Variants in PCDHA4 observed in about 807,000 individuals in gnomAD.
PCDHA4 encodes the protein protocadherin alpha-4.
Under a neutral mutation model 61.4 loss-of-function variants are expected in PCDHA4, and 49 were observed. The observed-to-expected ratio is 0.80, with a 90% confidence interval of 0.63 to 1.01. The LOEUF is 1.01. Among genes scored for constraint, PCDHA4 ranks in the 50% least tolerant of loss-of-function variants. The pLI is 0.00. For synonymous variants in PCDHA4, 590 were observed against 550.3 expected (o/e 1.07, Z -1.01); for missense variants, 1,254 against 1,235.8 (o/e 1.01, Z -0.22).
chr5:140,997,071 A>G lies in PCDHA4; in HGVS notation c.2534-12556A>G, dbSNP rs554920320. Among the ~76,000 whole-genome samples, 444 of 152,266 alleles carry G rather than the reference A, an allele frequency of 2.9e-3. 5 individuals carry two copies. Among genetic ancestry groups the G allele is most frequent in the Non-Finnish European group, 4.4e-3 (297 of 68,014 alleles). Reference sequence around the variant, plus strand: ...TTTAGAGCAGTTTTAGGTTCACAGGAAAGTTGAGTAGAAAGTGCAGAGTTC... The same window carrying G: ...TTTAGAGCAGTTTTAGGTTCACAGGGAAGTTGAGTAGAAAGTGCAGAGTTC... On this transcript the variant is annotated intron_variant, in intron 3 of 3. Coordinates refer to ENST00000530339, the MANE Select transcript of PCDHA4 (RefSeq NM_018907.4).
In PCDHA4 at chr5:140,829,871, G is replaced by A. The variant is rs1770641625; in HGVS notation, c.2385+20299G>A. 6.2e-7 allele frequency: 1 copy of A among 1,613,844 alleles called. No homozygotes were observed. Among genetic ancestry groups the A allele is most frequent in the Non-Finnish European group, 8.5e-7 (1 of 1,179,892 alleles). ...GGGTGCAGGCCAAGTGGTGGCGAAG[G>A]TGCGCGCAGTTGACGCCGACTCAGG... On this transcript the variant is annotated intron_variant, in intron 1 of 3. Transcript: ENST00000530339.
At chr5:141,007,613 T>C (rs1351675120) in intron 3 of PCDHA4, among the ~76,000 whole-genome samples, 1 of 152,056 alleles carries the variant, frequency 6.6e-6, no homozygotes, top group Non-Finnish European at 1.5e-5. Context: ...GAAGCAGATA[T>C]AGGAGAGGTC....
chr5:140,815,358 T>C (rs1447082855), intron 1 of PCDHA4: 3 of 152,110 alleles, frequency 2.0e-5, no homozygotes, highest in East Asian at 3.8e-4. Context: ...ATATCTTCCA[T>C]AGGTATTTTC....
At chr5:140,843,318 T>C (rs2150190993) in intron 1 of PCDHA4, 3 of 1,596,010 alleles carry the variant, frequency 1.9e-6, no homozygotes, top group East Asian at 2.2e-5. Flanking sequence ...GCCACGGTTC[T>C]GGTGTCGCTG....
chr5:140,927,702 C>A lies in PCDHA4; in HGVS notation c.2386-51247C>A, dbSNP rs533775539. ...AAGGGTCCAATGGGGAAGTCCAGTACTCCCTAAGCAACAGCACGCAAGCAG... is the reference window on the plus strand; with the variant it reads ...AAGGGTCCAATGGGGAAGTCCAGTAATCCCTAAGCAACAGCACGCAAGCAG... On this transcript the variant is annotated intron_variant, in intron 1 of 3. Coordinates refer to ENST00000530339, the MANE Select transcript of PCDHA4 (RefSeq NM_018907.4). 6.8e-6 allele frequency: 11 copies of A among 1,614,092 alleles called. 1 individual carries two copies. The South Asian group carries it at 1.2e-4, about 18-fold the overall frequency.
intron 1 of PCDHA4, chr5:140,857,901 G>A (rs782807567): frequency 1.9e-6 from 3 of 1,597,728 alleles, no homozygotes; most frequent in East Asian, 4.5e-5. Flanking sequence ...GTTGGTGCAC[G>A]CATCCCGTTT....
intron 1 of PCDHA4, among the ~76,000 whole-genome samples, chr5:140,942,913 G>GA (rs58669311): frequency 1.5e-4 from 23 of 148,948 alleles, no homozygotes; most frequent in Middle Eastern, 3.5e-3. Flanking sequence ...TAAGCGTGAA[G>GA]AAAAAAAAAA....
chr5:140,835,664 G>A (rs2150241207), intron 1 of PCDHA4: 1 of 1,613,934 alleles, frequency 6.2e-7, no homozygotes, highest in Non-Finnish European at 8.5e-7. Flanking sequence ...TGGTTACCGC[G>A]CGGGACGGGG....
intron 3 of PCDHA4, among the ~76,000 whole-genome samples, chr5:140,990,141 C>A (rs2097376222): frequency 6.6e-6 from 1 of 151,818 alleles, no homozygotes; most frequent in African/African-American, 2.4e-5. Flanking sequence ...ACTCAAGAGG[C>A]ATAATAATAG....
chr5:140,828,122 A>T, intron 1 of PCDHA4: 2 of 1,612,976 alleles, frequency 1.2e-6, no homozygotes. Context: ...TAGATTGGGA[A>T]AGCAATGTCT....
intron 1 of PCDHA4, among the ~76,000 whole-genome samples, chr5:140,899,326 T>G (rs1203153086): frequency 6.6e-6 from 1 of 152,230 alleles, no homozygotes; most frequent in Non-Finnish European, 1.5e-5. Flanking sequence ...TGGCTGTGGG[T>G]TTGTCATAGA....
chr5:140,914,944 C>CTTT (rs35695909), intron 1 of PCDHA4, among the ~76,000 whole-genome samples: 2 of 128,266 alleles, frequency 1.6e-5, no homozygotes, highest in Non-Finnish European at 3.3e-5. Context: ...GAAAAGTTGT[C>CTTT]TTTTTTTTTT....
Position 140,979,012 on chromosome 5 carries a change from G to A in PCDHA4, c.2444+5G>A, listed in dbSNP as rs2096831231. The A allele has an allele frequency of 1.9e-6, 3 of 1,613,794 alleles. No individual in the cohort carries two copies. Among genetic ancestry groups the A allele is most frequent in the African/African-American group, 2.7e-5 (2 of 74,926 alleles). ...CCTGAGAGCAGGCATGCACAGGTAT[G>A]TATTTCCCTCCTCATTCACTCAGAA... On this transcript the variant is annotated splice_donor_5th_base_variant and intron_variant, in intron 2 of 3. Coordinates refer to ENST00000530339, the MANE Select transcript of PCDHA4 (RefSeq NM_018907.4).
chr5:140,828,620 T>C (rs2150157459), intron 1 of PCDHA4: 3 of 1,614,062 alleles, frequency 1.9e-6, no homozygotes, highest in African/African-American at 2.7e-5. Context: ...TTCTAGCGAA[T>C]ACTTCGGGCT....
At chr5:140,996,226 G>C (rs2097717630) in intron 3 of PCDHA4, among the ~76,000 whole-genome samples, 1 of 152,196 alleles carries the variant, frequency 6.6e-6, no homozygotes, top group South Asian at 2.1e-4. Context: ...GTCTAGAAAT[G>C]GTTGCTCAAG....
chr5:140,989,387 T>A (rs1269344397), intron 3 of PCDHA4, among the ~76,000 whole-genome samples: 2 of 152,122 alleles, frequency 1.3e-5, no homozygotes, highest in Non-Finnish European at 2.9e-5. Context: ...GTGGGAAAGA[T>A]GATATGGAGG....
chr5:140,904,555 C>CT (rs569725486), intron 1 of PCDHA4, among the ~76,000 whole-genome samples: 13 of 151,744 alleles, frequency 8.6e-5, no homozygotes, highest in Middle Eastern at 3.4e-3. Flanking sequence ...CATATAATGA[C>CT]TTTTTTTTCC....
rs563512273 is a variant in PCDHA4 at position 140,921,751 on chromosome 5, A to G, written c.2386-57198A>G. Among the ~76,000 whole-genome samples, 11 of 152,290 alleles carry G rather than the reference A, an allele frequency of 7.2e-5. No homozygotes were observed. The East Asian group carries it at 7.7e-4, about 11-fold the overall frequency. On this transcript the variant is annotated intron_variant, in intron 1 of 3. Coordinates refer to ENST00000530339, the MANE Select transcript of PCDHA4 (RefSeq NM_018907.4). ...ATAAAAATTATAAGCATAACAGGAC[A>G]CTTCTTGGCTACTATTCAATACTGA...
chr5:140,979,292 C>T (rs1449910823), intron 2 of PCDHA4, among the ~76,000 whole-genome samples: 1 of 151,814 alleles, frequency 6.6e-6, no homozygotes, highest in African/African-American at 2.4e-5. Flanking sequence ...GTAATTTCAA[C>T]CTCCTTCATC....
Sources: allele counts gnomAD v4.1 joint callset (sites outside exome capture counted in the v4.1 genomes callset), GRCh38; gene constraint gnomAD v4.1.1; transcripts MANE v1.5; gene names NCBI Gene and HGNC (gene_info 2026-07-23, HGNC 2026-07-21).